ATXN10: variants seen among roughly 807,000 people sequenced by gnomAD.
ATXN10 encodes ataxin 10.
In ATXN10, 28 loss-of-function variants were observed where a neutral mutation model predicts 52.9. The ratio of observed to expected loss-of-function variants is 0.53; its 90% CI spans 0.39 to 0.73. The LOEUF (loss-of-function observed/expected upper bound fraction) is 0.73, where lower values mean the gene tolerates loss of function less well. ATXN10 is among the 30% of genes least tolerant of loss of function. ATXN10 has a pLI of 0.00. For synonymous variants in ATXN10, 226 were observed against 221.5 expected, an observed-to-expected ratio of 1.02 and a Z score of -0.18; for missense variants, 565 against 577.0, an observed-to-expected ratio of 0.98 and a Z score of 0.21.
At chr22:45,822,523 A>ATTTTTTTTT (rs763159693) in intron 10 of ATXN10, among the ~76,000 whole-genome samples, 6 of 96,632 alleles carry the variant, frequency 6.2e-5, no homozygotes, top group Non-Finnish European at 1.2e-4. Context: ...AATTTCTCCA[A>ATTTTTTTTT]TTTTTTTTTT....
chr22:45,805,784 T>C lies in ATXN10; in HGVS notation c.1174-1175T>C, dbSNP rs1006023082. ...TGGAAAATTGGATCATGCTAATGGT[T>C]ATATAACTCTGTGAATATACTGAAA... On this transcript the variant is annotated intron_variant, in intron 9 of 11. Transcript: ENST00000252934. The surrounding 1 kb of genome is among the most constrained non-coding windows in gnomAD (Gnocchi z 4.4). Among the ~76,000 whole-genome samples, 13 of 152,328 alleles carry C rather than the reference T, an allele frequency of 8.5e-5. No individual in the cohort carries two copies. In the East Asian group the frequency reaches 2.3e-3, roughly 27 times the overall value.
At chr22:45,751,557 G>T (rs969691470) in intron 9 of ATXN10, among the ~76,000 whole-genome samples, 1 of 151,806 alleles carries the variant, frequency 6.6e-6, no homozygotes, top group African/African-American at 2.4e-5. Context: ...GTTGTCAGGT[G>T]TTCTGACTTG....
chr22:45,738,985 T>C, intron 8 of ATXN10, 146 bp downstream of exon 8: 1 of 775,774 alleles, frequency 1.3e-6, no homozygotes. Context: ...CACAGTGTTG[T>C]AACAGTTCAG....
intron 5 of ATXN10, among the ~76,000 whole-genome samples, chr22:45,710,488 C>T (rs923790065): frequency 6.6e-6 from 1 of 152,130 alleles, no homozygotes; most frequent in Non-Finnish European, 1.5e-5. Context: ...ATAGCACTTA[C>T]CACTATCGAA....
At chr22:45,778,624 A>T (rs1477025887) in intron 9 of ATXN10, among the ~76,000 whole-genome samples, 1 of 152,212 alleles carries the variant, frequency 6.6e-6, no homozygotes, top group Non-Finnish European at 1.5e-5. Flanking sequence ...TTGGGCATAT[A>T]TCTGGTACAA....
intron 9 of ATXN10, among the ~76,000 whole-genome samples, chr22:45,752,177 A>G (rs1458325476): frequency 6.6e-6 from 1 of 152,206 alleles, no homozygotes; most frequent in Non-Finnish European, 1.5e-5. Flanking sequence ...TTGTAGTTCA[A>G]TTCAACAAGT....
rs897202071 is a variant in ATXN10 at position 45,715,828 on chromosome 22, G to A, written c.648-2585G>A. Among the ~76,000 whole-genome samples the A allele has an allele frequency of 1.3e-5, 2 of 152,160 alleles. No individual in the cohort carries two copies. Among genetic ancestry groups the A allele is most frequent in the Non-Finnish European group, 2.9e-5 (2 of 68,036 alleles). The stretch of plus-strand genomic sequence containing the variant: ...ATGTGTAAGGGATTGAAATCATAGA[G>A]CACATTCTCTTACTCATAAGATGAT... On this transcript the variant is annotated intron_variant, in intron 5 of 11. Coordinates refer to ENST00000252934, the MANE Select transcript of ATXN10 (RefSeq NM_013236.4). This position sits in a 1 kb window ranked among gnomAD's most constrained non-coding sequence, Gnocchi z 4.4.
chr22:45,706,045 A>G (rs887662577), intron 5 of ATXN10, among the ~76,000 whole-genome samples: 4 of 152,166 alleles, frequency 2.6e-5, no homozygotes, highest in African/African-American at 4.8e-5. Flanking sequence ...ATGAGAATCT[A>G]TTACAACTAA....
intron 5 of ATXN10, among the ~76,000 whole-genome samples, chr22:45,717,900 T>G (rs957919155): frequency 3.3e-5 from 5 of 152,198 alleles, no homozygotes; most frequent in African/African-American, 1.2e-4. Flanking sequence ...CCTTGGGGTT[T>G]CCATAAGTTG....
chr22:45,771,255 C>G (rs1926767008), intron 9 of ATXN10, among the ~76,000 whole-genome samples: 1 of 152,186 alleles, frequency 6.6e-6, no homozygotes, highest in South Asian at 2.1e-4. Flanking sequence ...GAATACAACT[C>G]TGCACATCCT....
rs1007320128 is a variant in ATXN10, at chr22:45,672,009, C to T, written c.-55C>T. 3.3e-6 allele frequency: 5 copies of T among 1,521,506 alleles called. No individual in the cohort carries two copies. The African/African-American group carries it at 6.9e-5, about 21-fold the overall frequency. The allele number at this position is 1,521,506 out of a possible 1,614,324, so 94.3% of individuals were successfully genotyped here. ...CTCCCTCCTCGTCATCCTCCCCCTT[C>T]GTCCTCCTCGCCTTCCTCCTCCTCG... is the stretch of plus-strand genomic sequence containing the variant. On this transcript the variant is annotated 5_prime_UTR_variant, in exon 1 of 12. Coordinates refer to ENST00000252934, the MANE Select transcript of ATXN10 (RefSeq NM_013236.4).
Position 45,762,708 on chromosome 22 carries a change from T to TA in ATXN10, c.1173+22171dup, listed in dbSNP as rs1243262981. ...GGTCCCCCAGAGGCCACCTCACTCT[T>TA]ACTCCTGTCTCCAGGCTGGTGACCT... On this transcript the variant is annotated intron_variant, in intron 9 of 11. Transcript: ENST00000252934. This position sits in a 1 kb window ranked among gnomAD's most constrained non-coding sequence, Gnocchi z 4.3. Among the ~76,000 whole-genome samples, 7 of 152,162 alleles carry TA rather than the reference T, an allele frequency of 4.6e-5. No homozygotes were observed. The highest frequency in any genetic ancestry group is 1.0e-4 in the Non-Finnish European group (7 of 68,022).
intron 10 of ATXN10, among the ~76,000 whole-genome samples, chr22:45,836,739 A>G (rs1008458850): frequency 6.6e-6 from 1 of 152,240 alleles, no homozygotes; most frequent in African/African-American, 2.4e-5. Context: ...TGTGCAATAT[A>G]ACGCATTTTG....
chr22:45,743,353 G>C (rs909734112), intron 9 of ATXN10, among the ~76,000 whole-genome samples: 4 of 152,102 alleles, frequency 2.6e-5, no homozygotes, highest in African/African-American at 9.7e-5. Context: ...TCTTGTTCTG[G>C]ATGTGCTAGA....
In ATXN10 at chr22:45,786,183, A is replaced by C. The variant is rs1036178745; in HGVS notation, c.1174-20776A>C. ...GGAATTTGGTAGTTGAACTCAGAGA[A>C]TATTTGTATTAATCACATTGTGTTT... On this transcript the variant is annotated intron_variant, in intron 9 of 11. Transcript: ENST00000252934. This position sits in a 1 kb window ranked among gnomAD's most constrained non-coding sequence, Gnocchi z 4.1. Among the ~76,000 whole-genome samples the C allele has an allele frequency of 1.3e-5, 2 of 152,184 alleles. No homozygotes were observed. Among genetic ancestry groups the C allele is most frequent in the Non-Finnish European group, 2.9e-5 (2 of 68,032 alleles).
chr22:45,811,571 C>T (rs1043661390), intron 10 of ATXN10: 30 of 372,158 alleles, frequency 8.1e-5, no homozygotes, highest in Non-Finnish European at 1.6e-4. Flanking sequence ...CTATACAGTT[C>T]TATAGTCTAG....
At chr22:45,794,400 A>T (rs968568148) in intron 9 of ATXN10, among the ~76,000 whole-genome samples, 8 of 150,544 alleles carry the variant, frequency 5.3e-5, no homozygotes, top group Non-Finnish European at 7.4e-5. Flanking sequence ...TTAATATTTT[A>T]TCTAGGTTGT....
At chr22:45,721,466 C>A (rs1173022217) in intron 6 of ATXN10, among the ~76,000 whole-genome samples, 1 of 152,154 alleles carries the variant, frequency 6.6e-6, no homozygotes, top group Admixed American at 6.5e-5. Context: ...GTAATGGTCA[C>A]CCCCGTAAAC....
Position 45,690,497 on chromosome 22 carries a change from G to C in ATXN10, c.308+594G>C, listed in dbSNP as rs1169285026. ...GGTATTTGGTTCTTCATAGTGTTTT[G>C]AAGCTGATTTTGAGTCTTTGTTCCT... On this transcript the variant is annotated intron_variant, in intron 2 of 11. Coordinates refer to ENST00000252934, the MANE Select transcript of ATXN10 (RefSeq NM_013236.4). The surrounding 1 kb of genome is among the most constrained non-coding windows in gnomAD (Gnocchi z 4.5). Among the ~76,000 whole-genome samples, 1 of 152,158 alleles carries C rather than the reference G, an allele frequency of 6.6e-6. No individual in the cohort carries two copies. The highest frequency in any genetic ancestry group is 2.4e-5 in the African/African-American group (1 of 41,424).
Sources: allele counts gnomAD v4.1 joint callset (sites outside exome capture counted in the v4.1 genomes callset), GRCh38; gene constraint gnomAD v4.1.1; non-coding constraint Gnocchi (gnomAD v3.1); transcripts MANE v1.5; gene names NCBI Gene and HGNC (gene_info 2026-07-23, HGNC 2026-07-21).